Variants in APBA2 observed in about 807,000 individuals in gnomAD.
The protein encoded by APBA2 is amyloid-beta A4 precursor protein-binding family A member 2.
APBA2 carries 30 observed loss-of-function variants against 75.0 expected under a neutral mutation model. The ratio of observed to expected loss-of-function variants is 0.40; its 90% CI spans 0.30 to 0.54. The LOEUF is 0.54. Ranked by LOEUF, APBA2 falls within the 20% of genes least tolerant of loss-of-function variation. The pLI, the probability that APBA2 is intolerant of heterozygous loss-of-function variation, is 0.49. For synonymous variants in APBA2, 444 were observed against 409.6 expected (o/e 1.08, Z -1.01); for missense variants, 801 against 1,016.1 (o/e 0.79, Z 2.88).
intron 4 of APBA2, among the ~76,000 whole-genome samples, chr15:29,059,215 A>ATG (rs146068016): frequency 0.023 from 3,379 of 149,860 alleles, 87 homozygotes; most frequent in African/African-American, 0.063. Context: ...TTTTGTTGAT[A>ATG]TGTGTGTGTG....
At chr15:28,903,689 A>G (rs1457511883) in intron 1 of APBA2, among the ~76,000 whole-genome samples, 5 of 152,190 alleles carry the variant, frequency 3.3e-5, no homozygotes, top group African/African-American at 1.2e-4. Flanking sequence ...CTGCCTCCCT[A>G]CAGTCCAGCT....
chr15:29,102,935 ATCT>A (rs1384591501), intron 10 of APBA2, among the ~76,000 whole-genome samples: 6 of 127,336 alleles, frequency 4.7e-5, no homozygotes, highest in Non-Finnish European at 9.0e-5. Context: ...TGGCGCAGTC[ATCT>A]TCTTCCTAAG....
chr15:29,047,623 T>A (rs1173996261), intron 3 of APBA2, among the ~76,000 whole-genome samples: 3 of 152,216 alleles, frequency 2.0e-5, no homozygotes, highest in African/African-American at 7.2e-5. Flanking sequence ...TTCATTGCAA[T>A]GAGGAATAAG....
chr15:29,053,672 C>T lies in APBA2; in HGVS notation c.-40-173C>T, dbSNP rs186245535. On this transcript the variant is annotated intron_variant, in intron 3 of 14. Coordinates refer to ENST00000683413, the MANE Select transcript of APBA2 (RefSeq NM_001353788.2). ...GCCCTCGTTCTCCTTGGTGTGGATG[C>T]GTGTTGTTCTGATGATGAGTTAGCG... 1.9e-3 allele frequency among the ~76,000 whole-genome samples: 287 copies of T among 151,972 alleles called. 2 individuals are homozygous for T. The highest frequency in any genetic ancestry group is 6.6e-3 in the African/African-American group (275 of 41,432).
intron 3 of APBA2, among the ~76,000 whole-genome samples, chr15:29,050,454 G>C (rs2041542416): frequency 6.6e-6 from 1 of 152,180 alleles, no homozygotes; most frequent in Non-Finnish European, 1.5e-5. Flanking sequence ...TATGAATTGA[G>C]TAATTATAGT....
In APBA2 at chr15:28,969,132, C is replaced by CT. The variant is rs1316170790; in HGVS notation, c.-94-26618dup. Among the ~76,000 whole-genome samples, 5 of 46,174 alleles carry CT rather than the reference C, an allele frequency of 1.1e-4. No homozygotes were observed. In the African/African-American group the frequency reaches 3.1e-3, roughly 29 times the overall value. 30.3% of individuals were successfully genotyped at this position (46,174 alleles called of 152,430 possible). A position where few individuals can be genotyped will look rare whatever the true frequency, so the allele number is the denominator to read the frequency against. ...AAAACCTTACCTTTCATTTCTTTTT[C>CT]TTTCTTTCTTTCTTTCTTTCTTTCT... On this transcript the variant is annotated intron_variant, in intron 2 of 14. Transcript: ENST00000683413.
chr15:29,039,672 C>T (rs184874350), intron 3 of APBA2, among the ~76,000 whole-genome samples: 55 of 152,196 alleles, frequency 3.6e-4, no homozygotes, highest in Admixed American at 3.0e-3. Context: ...CCTTTCCTGC[C>T]GATGATAATG....
intron 2 of APBA2, among the ~76,000 whole-genome samples, chr15:28,968,558 C>A (rs548424064): frequency 9.2e-5 from 14 of 152,104 alleles, no homozygotes; most frequent in Non-Finnish European, 1.8e-4. Flanking sequence ...GTCTCTTTCG[C>A]AGGATTAGAG....
intron 1 of APBA2, among the ~76,000 whole-genome samples, chr15:28,892,689 GTATA>G (rs995716225): frequency 6.6e-6 from 1 of 150,614 alleles, no homozygotes; most frequent in Non-Finnish European, 1.5e-5. Flanking sequence ...GTATGTATGT[GTATA>G]TATATATAAA....
chr15:28,940,322 C>T (rs1488781586), intron 2 of APBA2, among the ~76,000 whole-genome samples: 5 of 126,010 alleles, frequency 4.0e-5, no homozygotes, highest in Non-Finnish European at 7.8e-5. Context: ...ACCATCCTGG[C>T]TAACACAGTG....
intron 4 of APBA2, among the ~76,000 whole-genome samples, chr15:29,072,148 C>G (rs2042651272): frequency 6.6e-6 from 1 of 152,180 alleles, no homozygotes; most frequent in Non-Finnish European, 1.5e-5. Flanking sequence ...TCCCGCCCAG[C>G]TTGCAGGAGG....
At chr15:28,924,472 C>T (rs368845934) in intron 2 of APBA2, among the ~76,000 whole-genome samples, 8 of 152,336 alleles carry the variant, frequency 5.3e-5, no homozygotes, top group African/African-American at 1.7e-4. Context: ...TCTCCATGGA[C>T]TTACATATTC....
At chr15:28,992,557 C>G (rs1397161309) in intron 2 of APBA2, among the ~76,000 whole-genome samples, 2 of 152,200 alleles carry the variant, frequency 1.3e-5, no homozygotes, top group Non-Finnish European at 2.9e-5. Flanking sequence ...ATGAGAGAAG[C>G]AAACCTCGTG....
At position 29,094,222 on chromosome 15, in the gene APBA2, C is replaced by T. The variant is rs376497554; in HGVS notation, c.1216-56C>T. 1.2e-4 allele frequency: 185 copies of T among 1,587,518 alleles called. 2 individuals carry two copies. In the African/African-American group the frequency reaches 2.1e-3, roughly 18 times the overall value. On this transcript the variant is annotated intron_variant, in intron 7 of 14. Coordinates refer to ENST00000683413, the MANE Select transcript of APBA2 (RefSeq NM_001353788.2). The stretch of plus-strand genomic sequence containing the variant: ...CAACCACCAAAGTGACATAACCTCA[C>T]GCACCTTCCTTCTCTCTGTGCCAAC...
At chr15:28,972,610 G>A (rs1352472297) in intron 2 of APBA2, among the ~76,000 whole-genome samples, 1 of 152,204 alleles carries the variant, frequency 6.6e-6, no homozygotes, top group East Asian at 1.9e-4. Context: ...CGTGAGTGAA[G>A]GATTTTATGC....
intron 3 of APBA2, among the ~76,000 whole-genome samples, chr15:29,017,786 T>C (rs190256951): frequency 1.3e-5 from 2 of 152,350 alleles, no homozygotes; most frequent in African/African-American, 2.4e-5. Flanking sequence ...TTCTATTCTT[T>C]CGTCATTTCT....
intron 2 of APBA2, among the ~76,000 whole-genome samples, chr15:28,977,932 C>T (rs544235980): frequency 6.6e-6 from 1 of 152,160 alleles, no homozygotes; most frequent in Non-Finnish European, 1.5e-5. Flanking sequence ...ACAGCTTGGG[C>T]TGTGGACTCA....
chr15:29,027,823 G>A (rs578039808), intron 3 of APBA2, among the ~76,000 whole-genome samples: 1 of 152,000 alleles, frequency 6.6e-6, no homozygotes, highest in East Asian at 1.9e-4. Flanking sequence ...GGATGGTCTC[G>A]ATCTCCTGAC....
intron 13 of APBA2, chr15:29,108,626 A>T: frequency 3.2e-6 from 2 of 624,882 alleles, no homozygotes; most frequent in Non-Finnish European, 5.5e-6. Flanking sequence ...AGCCTTTCCC[A>T]GGCTCCCTTG....
Sources: gnomAD v4.1 joint callset for allele counts (sites outside exome capture counted in the v4.1 genomes callset) on GRCh38, gnomAD v4.1.1 for gene constraint, MANE v1.5 for transcripts, NCBI Gene and HGNC (gene_info 2026-07-23, HGNC 2026-07-21) for gene names.